The following FAT4 variants were observed in gnomAD, a reference collection of about 807,000 sequenced individuals.
FAT4 encodes protocadherin Fat 4.
A neutral mutation model predicts 303.9 loss-of-function variants in FAT4; 84 were observed. That is an observed-to-expected ratio of 0.28 (90% CI 0.23 to 0.33). FAT4 has a LOEUF of 0.33. FAT4 is among the 10% of genes least tolerant of loss of function. The pLI is 1.00. For missense variants in FAT4, 6,005 were observed against 6,146.8 expected (o/e 0.98, Z 0.77); for synonymous variants, 2,307 against 2,298.8 (o/e 1.00, Z -0.10).
Position 125,437,405 on chromosome 4 carries a change from T to A in FAT4, c.7199+2980T>A, listed in dbSNP as rs182574791. Among the ~76,000 whole-genome samples the A allele has an allele frequency of 1.9e-3, 295 of 152,346 alleles. 1 individual carries two copies. The highest frequency in any genetic ancestry group is 3.5e-3 in the Non-Finnish European group (236 of 68,036). On this transcript the variant is annotated intron_variant, in intron 8 of 17. Coordinates refer to ENST00000394329, the MANE Select transcript of FAT4 (RefSeq NM_001291303.3). ...AGGAAATGCAGGACAGAATGAATTA[T>A]TTGCATGCATTGCAAAAGGATGGAA...
rs761320064 is a variant in FAT4, at chr4:125,451,903, C to T, written c.10893C>T (p.Pro3631=). 10 of 1,613,884 alleles carry T rather than the reference C, an allele frequency of 6.2e-6. No homozygotes were observed. The highest frequency in any genetic ancestry group is 2.7e-5 in the African/African-American group (2 of 74,904). Residue 3631 remains proline, a synonymous_variant, in exon 10 of 18, where the codon CCC becomes CCT. Transcript: ENST00000394329. ...IFVNYYGNLF[P]GGILGSVKPQ... The stretch of plus-strand genomic sequence containing the variant: ...TTAATTATTATGGTAACTTGTTTCC[C>T]GGTGGGATTTTAGGCTCTGTGAAGC...
At chr4:125,369,508 A>G (rs1350787952) in intron 2 of FAT4, among the ~76,000 whole-genome samples, 2 of 152,224 alleles carry the variant, frequency 1.3e-5, no homozygotes, top group Non-Finnish European at 2.9e-5. Context: ...CTTTCCTGCA[A>G]CAATTTGGGA....
intron 8 of FAT4, among the ~76,000 whole-genome samples, chr4:125,434,745 A>T (rs1409449827): frequency 2.0e-5 from 3 of 152,180 alleles, no homozygotes; most frequent in Non-Finnish European, 4.4e-5. Flanking sequence ...ATGGTGACTG[A>T]ATGATCTGGA....
chr4:125,448,330 G>A (rs1311782320), intron 9 of FAT4, 131 bp from the exon 10 acceptor site: 1 of 809,690 alleles, frequency 1.2e-6, no homozygotes, highest in Non-Finnish European at 1.9e-6. Context: ...AGGAGATACT[G>A]TTCTCCCTAG....
chr4:125,431,431 T>A (rs946780647), intron 7 of FAT4, among the ~76,000 whole-genome samples: 5 of 152,198 alleles, frequency 3.3e-5, no homozygotes, highest in African/African-American at 1.2e-4. Context: ...TCCTGAATAA[T>A]ATGAGACTGA....
chr4:125,449,332 G>A lies in FAT4; in HGVS notation c.8322G>A (p.Arg2774=). ...NILDENDNAP[R]FSQIFSAHVP... ...TAGATGAAAATGATAATGCCCCTAG[G>A]TTTTCTCAGATATTTAGTGCCCATG... Residue 2774 remains arginine, a synonymous_variant, in exon 10 of 18, where the codon AGG becomes AGA. Transcript: ENST00000394329. 2.5e-6 allele frequency: 4 copies of A among 1,613,786 alleles called. No individual in the cohort carries two copies. Among genetic ancestry groups the A allele is most frequent in the Non-Finnish European group, 3.4e-6 (4 of 1,179,884 alleles).
intron 5 of FAT4, among the ~76,000 whole-genome samples, chr4:125,409,427 T>A (rs1734760795): frequency 6.6e-6 from 1 of 152,104 alleles, no homozygotes; most frequent in Admixed American, 6.6e-5. Context: ...TGGCTAATTT[T>A]GTATTTTTAG....
intron 2 of FAT4, among the ~76,000 whole-genome samples, chr4:125,367,280 C>T (rs1340159162): frequency 6.6e-6 from 1 of 152,014 alleles, no homozygotes; most frequent in Non-Finnish European, 1.5e-5. Flanking sequence ...ATAGCATTTG[C>T]CAGACATTTT....
chr4:125,380,911 C>T (rs528465859), intron 2 of FAT4, among the ~76,000 whole-genome samples: 5 of 152,180 alleles, frequency 3.3e-5, no homozygotes, highest in Non-Finnish European at 4.4e-5. Flanking sequence ...TAGTAGTAAA[C>T]GATTATATCA....
rs770573650 is a variant in FAT4 at position 125,449,341 on chromosome 4, G to A, written c.8331G>A (p.Gln2777=). 6.2e-7 allele frequency: 1 copy of A among 1,613,724 alleles called. No individual in the cohort carries two copies. The highest frequency in any genetic ancestry group is 8.5e-7 in the Non-Finnish European group (1 of 1,179,882). ...ATGATAATGCCCCTAGGTTTTCTCAGATATTTAGTGCCCATGTTCCTGAAA... is the reference window on the plus strand; with the variant it reads ...ATGATAATGCCCCTAGGTTTTCTCAAATATTTAGTGCCCATGTTCCTGAAA... ...DENDNAPRFS[Q]IFSAHVPENS... The change falls in exon 10 of 18, where the codon CAG becomes CAA. Residue 2777 remains glutamine (Q), a synonymous_variant. Transcript: ENST00000394329.
chr4:125,369,331 C>T (rs1407238050), intron 2 of FAT4, among the ~76,000 whole-genome samples: 4 of 152,122 alleles, frequency 2.6e-5, no homozygotes, highest in African/African-American at 9.7e-5. Flanking sequence ...ACTCAGGAGG[C>T]TGAGGCAGGA....
chr4:125,349,270 G>A (rs1732129089), intron 2 of FAT4, among the ~76,000 whole-genome samples: 1 of 151,706 alleles, frequency 6.6e-6, no homozygotes, highest in African/African-American at 2.4e-5. Context: ...TTTAGGAAAA[G>A]TAATGCATTA....
intron 2 of FAT4, among the ~76,000 whole-genome samples, chr4:125,345,792 A>T (rs550797023): frequency 1.3e-5 from 2 of 152,176 alleles, no homozygotes; most frequent in East Asian, 3.9e-4. Context: ...TTTTAATCAC[A>T]TATATACATG....
rs201828669 is a variant in FAT4, at chr4:125,450,269, C to T, written c.9259C>T (p.His3087Tyr). 6 of 1,614,062 alleles carry T rather than the reference C, an allele frequency of 3.7e-6. No homozygotes were observed. The East Asian group carries it at 1.3e-4, about 36-fold the overall frequency. Residue 3087 changes from histidine to tyrosine, a missense_variant, in exon 10 of 18, where the codon CAT becomes TAT. Physicochemically the swap from His to Tyr is moderately conservative, Grantham distance 83. Transcript: ENST00000394329. ...VHITVTEENY[H>Y]TPEFSQSHMS... ...CATAACTGTCACTGAGGAAAACTAC[C>T]ATACACCTGAATTCTCTCAAAGCCA...
At position 125,410,916 on chromosome 4, in the gene FAT4, C is replaced by T. The variant is rs915431985; in HGVS notation, c.5920+2122C>T. On this transcript the variant is annotated intron_variant, in intron 5 of 17. Coordinates refer to ENST00000394329, the MANE Select transcript of FAT4 (RefSeq NM_001291303.3). ...TTGAATACGTTTATCAGTGTAATTT[C>T]CTGCACCTTGACATAAAATATATGA... 6.6e-5 allele frequency among the ~76,000 whole-genome samples: 10 copies of T among 151,944 alleles called. 1 individual carries two copies. The highest frequency in any genetic ancestry group is 2.4e-4 in the African/African-American group (10 of 41,398).
intron 2 of FAT4, among the ~76,000 whole-genome samples, chr4:125,366,193 C>A (rs1732881130): frequency 6.6e-6 from 1 of 152,116 alleles, no homozygotes; most frequent in African/African-American, 2.4e-5. Flanking sequence ...TTTCATCACC[C>A]AGGTATTAAT....
At position 125,318,899 on chromosome 4, in the gene FAT4, A is replaced by G; in HGVS notation, c.2488A>G (p.Ile830Val). The G allele has an allele frequency of 1.2e-6, 2 of 1,613,862 alleles. No homozygotes were observed. The highest frequency in any genetic ancestry group is 3.3e-5 in the Admixed American group (2 of 60,016). The stretch of plus-strand genomic sequence containing the variant: ...TCTCAATTCCAACATCAGTTATCTC[A>G]TTACTACTGGGGATCAGAAAGGTAT... ...MDLNSNISYLITTGDQKGMFA... is the reference protein window; with the variant it reads ...MDLNSNISYLVTTGDQKGMFA... Residue 830 changes from isoleucine to valine, a missense_variant, in exon 2 of 18, where the codon ATT becomes GTT. By Grantham distance (29) the Ile-to-Val change is conservative. Coordinates refer to ENST00000394329, the MANE Select transcript of FAT4 (RefSeq NM_001291303.3).
chr4:125,399,505 T>G (rs992107740), intron 3 of FAT4, among the ~76,000 whole-genome samples: 1 of 151,936 alleles, frequency 6.6e-6, no homozygotes, highest in African/African-American at 2.4e-5. Flanking sequence ...GAAGTAACTT[T>G]CCAGACACCA....
chr4:125,375,497 G>A (rs992570448), intron 2 of FAT4, among the ~76,000 whole-genome samples: 9 of 152,166 alleles, frequency 5.9e-5, no homozygotes, highest in Non-Finnish European at 1.3e-4. Flanking sequence ...AAACTACTTG[G>A]ATACCCTGGT....
Sources: gnomAD v4.1 joint callset for allele counts (sites outside exome capture counted in the v4.1 genomes callset) on GRCh38, gnomAD v4.1.1 for gene constraint, MANE v1.5 for transcripts, NCBI Gene and HGNC (gene_info 2026-07-23, HGNC 2026-07-21) for gene names.